Variants in PHKB observed in about 807,000 individuals in gnomAD.
The protein encoded by PHKB is phosphorylase b kinase regulatory subunit beta.
In PHKB, 122 loss-of-function variants were observed where a neutral mutation model predicts 152.1. The observed-to-expected ratio is 0.80, with a 90% CI of 0.69 to 0.93. The LOEUF (loss-of-function observed/expected upper bound fraction) is 0.93. PHKB is among the 40% of genes least tolerant of loss of function. The pLI, the probability that PHKB is intolerant of heterozygous loss-of-function variation, is 0.00. For synonymous variants in PHKB, 436 were observed against 464.9 expected (o/e 0.94, Z 0.80); for missense variants, 1,304 against 1,328.4 (o/e 0.98, Z 0.29).
At chr16:47,469,926 G>GT (rs1455445671) in intron 1 of PHKB, among the ~76,000 whole-genome samples, 2 of 152,184 alleles carry the variant, frequency 1.3e-5, no homozygotes, top group African/African-American at 4.8e-5. Context: ...GTACCTAGTG[G>GT]TGGTAGTAGT....
chr16:47,486,483 T>C (rs937939703), intron 1 of PHKB, among the ~76,000 whole-genome samples: 2 of 152,244 alleles, frequency 1.3e-5, no homozygotes, highest in Non-Finnish European at 2.9e-5. Flanking sequence ...GACAAACATA[T>C]AGACTGTTGT....
chr16:47,647,548 A>G (rs1468645428), intron 16 of PHKB, among the ~76,000 whole-genome samples: 1 of 150,322 alleles, frequency 6.7e-6, no homozygotes. Context: ...CCCAGGCTGG[A>G]GTGCAGTGGC....
At chr16:47,628,373 A>T (rs1337586853) in intron 14 of PHKB, among the ~76,000 whole-genome samples, 1 of 152,156 alleles carries the variant, frequency 6.6e-6, no homozygotes, top group African/African-American at 2.4e-5. Flanking sequence ...TCTACTAAAA[A>T]TACAAAAAAT....
intron 20 of PHKB, among the ~76,000 whole-genome samples, chr16:47,659,281 T>C (rs1418111500): frequency 6.6e-6 from 1 of 152,252 alleles, no homozygotes; most frequent in Non-Finnish European, 1.5e-5. Context: ...GAGAAGGCAC[T>C]ACTATTCTGG....
At chr16:47,570,478 TG>T (rs1971639482) in intron 7 of PHKB, among the ~76,000 whole-genome samples, 2 of 152,326 alleles carry the variant, frequency 1.3e-5, no homozygotes, top group African/African-American at 4.8e-5. Flanking sequence ...TTTGTTTCTT[TG>T]TATTCTTTTT....
chr16:47,489,288 T>C (rs975473441), intron 1 of PHKB, among the ~76,000 whole-genome samples: 3 of 152,114 alleles, frequency 2.0e-5, no homozygotes, highest in Admixed American at 6.5e-5. Context: ...CCTGACCTCG[T>C]GAGGAGAACT....
intron 6 of PHKB, among the ~76,000 whole-genome samples, chr16:47,531,254 A>T (rs73549387): frequency 0.091 from 13,784 of 152,204 alleles, 1,164 homozygotes; most frequent in African/African-American, 0.23. Context: ...TATTTTTATA[A>T]AAGATATTGG....
chr16:47,552,831 A>C (rs930450925), intron 7 of PHKB, among the ~76,000 whole-genome samples: 1 of 149,780 alleles, frequency 6.7e-6, no homozygotes, highest in Non-Finnish European at 1.5e-5. Context: ...ACACACACAC[A>C]CCAAAAAACA....
At chr16:47,587,834 T>A in intron 9 of PHKB, 71 bp downstream of exon 9, 1 of 1,156,054 alleles carries the variant, frequency 8.7e-7, no homozygotes, top group Non-Finnish European at 1.3e-6. Context: ...ATATCTTAAT[T>A]TCCAGTAAAG....
chr16:47,612,728 CA>C (rs1378268390), intron 14 of PHKB, among the ~76,000 whole-genome samples: 1 of 152,042 alleles, frequency 6.6e-6, no homozygotes, highest in Non-Finnish European at 1.5e-5. Flanking sequence ...AGATTTGCAG[CA>C]AAAAACTACT....
rs1970514076 is a variant in PHKB at position 47,511,770 on chromosome 16, C to T, written c.511C>T (p.Gln171Ter). Residue 171 changes from glutamine to a stop codon, truncating the protein, a stop_gained and splice_region_variant, in exon 5 of 31, where the codon CAG (glutamine) becomes TAG (stop). Coordinates refer to ENST00000323584, the MANE Select transcript of PHKB (RefSeq NM_000293.3). LOFTEE classifies it high-confidence loss of function. Reference protein sequence around the residue: ...LLSYEEYGHLQINAVSLYLLY... With the variant: ...LLSYEEYGHL ...TTCCTATGAGGAATATGGTCATCTTCAGGTAAAAAGAGATTATACATTTTA... is the reference window on the plus strand; with the variant it reads ...TTCCTATGAGGAATATGGTCATCTTTAGGTAAAAAGAGATTATACATTTTA... The T allele has an allele frequency of 2.6e-6, 4 of 1,530,744 alleles. No individual in the cohort carries two copies. Among genetic ancestry groups the T allele is most frequent in the Non-Finnish European group, 3.6e-6 (4 of 1,104,090 alleles). The allele number at this position is 1,530,744 out of a possible 1,614,324, so 94.8% of individuals were successfully genotyped here. A position where few individuals can be genotyped will look rare whatever the true frequency, so the allele number is the denominator to read the frequency against.
intron 26 of PHKB, among the ~76,000 whole-genome samples, chr16:47,674,020 A>T (rs1186898705): frequency 6.6e-6 from 1 of 152,134 alleles, no homozygotes; most frequent in Non-Finnish European, 1.5e-5. Context: ...TACTATTGCC[A>T]TTATCTCACA....
In PHKB at chr16:47,670,715, CT is replaced by C. The variant is rs371412636; in HGVS notation, c.2630+1301del. ...ATGTTGGCCAAGCTGGTCTTGAACTCTTTACCTTTAGTGATCTGCCTGCCTC... is the reference window on the plus strand; with the variant it reads ...ATGTTGGCCAAGCTGGTCTTGAACTCTTACCTTTAGTGATCTGCCTGCCTC... On this transcript the variant is annotated intron_variant, in intron 26 of 30. Transcript: ENST00000323584. Among the ~76,000 whole-genome samples, 919 of 152,246 alleles carry C rather than the reference CT, an allele frequency of 6.0e-3. 11 individuals are homozygous for C. Among genetic ancestry groups the C allele is most frequent in the African/African-American group, 0.021 (870 of 41,530 alleles).
intron 25 of PHKB, chr16:47,665,186 AAGTC>A: frequency 3.7e-6 from 2 of 534,970 alleles, no homozygotes; most frequent in Non-Finnish European, 6.7e-6. Context: ...TGCTTTTTAT[AAGTC>A]AGCTTCTGTG....
intron 14 of PHKB, among the ~76,000 whole-genome samples, chr16:47,617,966 T>C (rs1231956264): frequency 6.6e-6 from 1 of 152,262 alleles, no homozygotes; most frequent in East Asian, 1.9e-4. Flanking sequence ...TTGCTGACCG[T>C]GATTCCCTGT....
At chr16:47,660,939 T>C in intron 22 of PHKB, 120 bp downstream of exon 22, 10 of 968,020 alleles carry the variant, frequency 1.0e-5, no homozygotes, top group African/African-American at 1.6e-5. Flanking sequence ...TGGAGGTGGA[T>C]GACTTGTCTA....
At chr16:47,492,962 C>T (rs1009626283) in intron 1 of PHKB, among the ~76,000 whole-genome samples, 4 of 152,164 alleles carry the variant, frequency 2.6e-5, no homozygotes, top group Admixed American at 6.5e-5. Context: ...AAAAATTTAT[C>T]GGGCAAAAAG....
At chr16:47,648,968 G>A in intron 17 of PHKB, 132 bp from the exon 18 acceptor site, 4 of 676,958 alleles carry the variant, frequency 5.9e-6, no homozygotes, top group South Asian at 1.7e-5. Flanking sequence ...TTATCTGGAT[G>A]TCGCAAGCTA....
intron 13 of PHKB, among the ~76,000 whole-genome samples, chr16:47,609,553 T>TTGTG (rs144647746): frequency 4.3e-4 from 62 of 143,828 alleles, no homozygotes; most frequent in Non-Finnish European, 6.2e-4. Context: ...GTGTGTGTGT[T>TTGTG]TGTGTGTGTG....
Sources: allele counts gnomAD v4.1 joint callset (sites outside exome capture counted in the v4.1 genomes callset), GRCh38; gene constraint gnomAD v4.1.1; transcripts MANE v1.5; gene names NCBI Gene and HGNC (gene_info 2026-07-23, HGNC 2026-07-21).